TAF2: variants seen among roughly 807,000 people sequenced by gnomAD.
TAF2 encodes TATA-box binding protein associated factor 2.
In TAF2, 61 loss-of-function variants were observed where a neutral mutation model predicts 138.5. The ratio of observed to expected loss-of-function variants is 0.44; its 90% CI spans 0.36 to 0.54. The LOEUF (loss-of-function observed/expected upper bound fraction) is 0.54, where lower values mean the gene tolerates loss of function less well. Among genes scored for constraint, TAF2 ranks in the 20% least tolerant of loss-of-function variants. The pLI, the probability that TAF2 is intolerant of heterozygous loss-of-function variation, is 0.00. For synonymous variants in TAF2, 475 were observed against 469.9 expected (o/e 1.01, Z -0.14); for missense variants, 1,090 against 1,427.9 (o/e 0.76, Z 3.81).
chr8:119,788,401 T>C lies in TAF2; in HGVS notation c.1730A>G (p.His577Arg). Reference sequence around the variant, plus strand: ...GCTGTTTTCTTCAATTTGCAGTGTATGATTGAAGGATCCATCTAACTCCTG... The same window carrying C: ...GCTGTTTTCTTCAATTTGCAGTGTACGATTGAAGGATCCATCTAACTCCTG... ...TVQELDGSFNHTLQIEENSLK... is the reference protein window; with the variant it reads ...TVQELDGSFNRTLQIEENSLK... The change falls in exon 14 of 26, where the codon CAT (histidine) becomes CGT (arginine). Residue 577 changes from histidine (H) to arginine (R), a missense_variant. This residue lies in a region of TAF2 where 504 missense variants were observed against 680.9 expected (regional missense o/e 0.74). Coordinates refer to ENST00000378164, the MANE Select transcript of TAF2 (RefSeq NM_003184.4). The C allele has an allele frequency of 1.2e-6, 2 of 1,613,564 alleles. No homozygotes were observed. The highest frequency in any genetic ancestry group is 1.7e-6 in the Non-Finnish European group (2 of 1,179,876).
At chr8:119,800,518 C>T (rs1172231447) in intron 6 of TAF2, among the ~76,000 whole-genome samples, 1 of 152,128 alleles carries the variant, frequency 6.6e-6, no homozygotes, top group Admixed American at 6.5e-5. Context: ...TGTTTTGGTA[C>T]CAGTACCATG....
chr8:119,744,161 TTAATA>T, intron 24 of TAF2, 122 bp downstream of exon 24: 1 of 922,432 alleles, frequency 1.1e-6, no homozygotes, highest in Non-Finnish European at 1.7e-6. Flanking sequence ...CTGCTACAAT[TTAATA>T]TTTTAAGCTG....
At chr8:119,804,520 G>A in intron 4 of TAF2, among the ~76,000 whole-genome samples, 1 of 152,184 alleles carries the variant, frequency 6.6e-6, no homozygotes, top group East Asian at 1.9e-4. Context: ...TAGTGAATAA[G>A]TGTCACAAGA....
Position 119,742,748 on chromosome 8 carries a change from A to G in TAF2, c.3215-92T>C. ...TGACAGGTTTTTATAAGCTAGCCTT[A>G]AAGACAGAAGCAATTCATCCACAGT... is the stretch of plus-strand genomic sequence containing the variant. On this transcript the variant is annotated intron_variant, in intron 24 of 25. Coordinates refer to ENST00000378164, the MANE Select transcript of TAF2 (RefSeq NM_003184.4). 4 of 1,511,976 alleles carry G rather than the reference A, an allele frequency of 2.6e-6. No individual in the cohort carries two copies. In the African/African-American group the frequency reaches 5.6e-5, roughly 21 times the overall value. The allele number at this position is 1,511,976 out of a possible 1,614,324, so 93.7% of individuals were successfully genotyped here. A position where few individuals can be genotyped will look rare whatever the true frequency, so the allele number is the denominator to read the frequency against.
chr8:119,817,309 G>A (rs1298860154), intron 3 of TAF2, among the ~76,000 whole-genome samples: 1 of 152,084 alleles, frequency 6.6e-6, no homozygotes, highest in African/African-American at 2.4e-5. Context: ...ATTACCTTCT[G>A]AGCTTTGCCT....
chr8:119,744,554 A>G (rs993416465), intron 23 of TAF2, 161 bp from the exon 24 acceptor site: 1 of 676,234 alleles, frequency 1.5e-6, no homozygotes, highest in South Asian at 1.7e-5. Flanking sequence ...TAAGAGAAAG[A>G]AAAGATTATG....
intron 3 of TAF2, among the ~76,000 whole-genome samples, chr8:119,812,917 T>C (rs2131239076): frequency 6.6e-6 from 1 of 152,292 alleles, no homozygotes; most frequent in South Asian, 2.1e-4. Flanking sequence ...CATAGACATG[T>C]AGGTGTCTTT....
intron 16 of TAF2, among the ~76,000 whole-genome samples, chr8:119,781,433 T>C (rs1822642954): frequency 6.6e-6 from 1 of 152,136 alleles, no homozygotes; most frequent in Non-Finnish European, 1.5e-5. Flanking sequence ...ATCCCAGCAC[T>C]TTGGGAAGCC....
Position 119,794,353 on chromosome 8 carries a change from G to A in TAF2, c.1192-902C>T, listed in dbSNP as rs144867342. Among the ~76,000 whole-genome samples, 747 of 149,564 alleles carry A rather than the reference G, an allele frequency of 5.0e-3. 4 individuals carry two copies. The highest frequency in any genetic ancestry group is 0.017 in the African/African-American group (702 of 40,314). Reference sequence around the variant, plus strand: ...AGAGGTTGCAGTGAGCCGAGATTGCGCCACTGCACTACAGCCTGAGCAACA... The same window carrying A: ...AGAGGTTGCAGTGAGCCGAGATTGCACCACTGCACTACAGCCTGAGCAACA... On this transcript the variant is annotated intron_variant, in intron 9 of 25. Coordinates refer to ENST00000378164, the MANE Select transcript of TAF2 (RefSeq NM_003184.4).
rs191633119 is a variant in TAF2, at chr8:119,815,391, C to G, written c.299+3955G>C. Among the ~76,000 whole-genome samples, 300 of 151,752 alleles carry G rather than the reference C, an allele frequency of 2.0e-3. 2 individuals carry two copies. Among genetic ancestry groups the G allele is most frequent in the African/African-American group, 6.0e-3 (247 of 41,462 alleles). Reference sequence around the variant, plus strand: ...CTGGATTCACGCCATTCTCCTGCCTCAGCCTCCAGAGTAGCTGGGACTACA... The same window carrying G: ...CTGGATTCACGCCATTCTCCTGCCTGAGCCTCCAGAGTAGCTGGGACTACA... On this transcript the variant is annotated intron_variant, in intron 3 of 25. Coordinates refer to ENST00000378164, the MANE Select transcript of TAF2 (RefSeq NM_003184.4).
intron 24 of TAF2, 53 bp downstream of exon 24, chr8:119,744,235 T>C (rs1819793658): frequency 4.9e-6 from 7 of 1,439,050 alleles, no homozygotes; most frequent in Middle Eastern, 3.5e-4. Flanking sequence ...ATTAGAATAC[T>C]GACATCAACC....
chr8:119,746,905 C>T lies in TAF2; in HGVS notation c.2908G>A (p.Gly970Ser). The T allele has an allele frequency of 6.2e-7, 1 of 1,614,080 alleles. No individual in the cohort carries two copies. ...AGTGTGAAGTACAAGTCCACAGCAC[C>T]ACACCGTAACCTCCAGTCATGTGAA... is the stretch of plus-strand genomic sequence containing the variant. ...GTSHDWRLRC[G>S]AVDLYFTLFG... The change falls in exon 23 of 26, where the codon GGT becomes AGT. Residue 970 changes from glycine to serine, a missense_variant. This residue lies in a region of TAF2 where 580 missense variants were observed against 719.6 expected (regional missense o/e 0.81). Coordinates refer to ENST00000378164, the MANE Select transcript of TAF2 (RefSeq NM_003184.4).
intron 22 of TAF2, among the ~76,000 whole-genome samples, chr8:119,753,866 A>G (rs904618576): frequency 5.9e-5 from 9 of 152,194 alleles, no homozygotes; most frequent in African/African-American, 2.2e-4. Context: ...AAGGTATTCA[A>G]TACAGCAGAG....
At position 119,788,447 on chromosome 8, in the gene TAF2, C is replaced by G; in HGVS notation, c.1684G>C (p.Gly562Arg). Residue 562 changes from glycine to arginine, a missense_variant and splice_region_variant, in exon 14 of 26, where the codon GGA becomes CGA. Physicochemically the swap from Gly to Arg is moderately radical, Grantham distance 125 (BLOSUM62 -2). Transcript: ENST00000378164. ...TCCTGCACTGTCACTTTAAGTGGTC[C>G]CTTTTAAAAAAAAAACGTACTGTTC... is the stretch of plus-strand genomic sequence containing the variant. ...YTSPGTQKYV[G>R]PLKVTVQELD... The G allele has an allele frequency of 6.2e-7, 1 of 1,608,406 alleles. No homozygotes were observed. Among genetic ancestry groups the G allele is most frequent in the Non-Finnish European group, 8.5e-7 (1 of 1,177,546 alleles).
intron 18 of TAF2, among the ~76,000 whole-genome samples, chr8:119,771,576 C>A (rs1821842522): frequency 6.6e-6 from 1 of 152,040 alleles, no homozygotes; most frequent in Non-Finnish European, 1.5e-5. Context: ...AGACTTTAAA[C>A]TGACAATAGT....
At chr8:119,747,058 T>C in intron 22 of TAF2, 124 bp from the exon 23 acceptor site, 2 of 995,400 alleles carry the variant, frequency 2.0e-6, no homozygotes, top group Non-Finnish European at 3.0e-6. Context: ...ACCTTTCATC[T>C]TACAAAATGA....
At chr8:119,790,687 T>A (rs1215446647) in intron 11 of TAF2, among the ~76,000 whole-genome samples, 1 of 152,216 alleles carries the variant, frequency 6.6e-6, no homozygotes, top group African/African-American at 2.4e-5. Flanking sequence ...ACATCTTTTT[T>A]ATTGGTTTAC....
At chr8:119,760,957 A>T (rs1203140923) in intron 19 of TAF2, among the ~76,000 whole-genome samples, 1 of 152,168 alleles carries the variant, frequency 6.6e-6, no homozygotes, top group Non-Finnish European at 1.5e-5. Flanking sequence ...AAATTAATTT[A>T]TCACTAAAGA....
chr8:119,795,118 T>C (rs1220087084), intron 9 of TAF2, among the ~76,000 whole-genome samples: 1 of 152,126 alleles, frequency 6.6e-6, no homozygotes, highest in African/African-American at 2.4e-5. Context: ...GCAGTTAATA[T>C]GTGCAAAGCA....
Sources: gnomAD v4.1 joint callset for allele counts (sites outside exome capture counted in the v4.1 genomes callset) on GRCh38, gnomAD v4.1.1 for gene constraint, gnomAD v4.1.1 regional missense constraint, MANE v1.5 for transcripts, NCBI Gene and HGNC (gene_info 2026-07-23, HGNC 2026-07-21) for gene names.